Variants in TRDMT1 observed in about 807,000 individuals in gnomAD.
TRDMT1 encodes tRNA aspartic acid methyltransferase 1, also known as tRNA (cytosine(38)-C(5))-methyltransferase.
In TRDMT1, 49 loss-of-function variants were observed where a neutral mutation model predicts 51.2. The observed-to-expected ratio is 0.96, with a 90% CI of 0.76 to 1.21. TRDMT1 has a LOEUF of 1.21. TRDMT1 is among the 50% of genes most tolerant of loss of function. The probability of loss-of-function intolerance (pLI) is 0.00; values close to 1 mark genes in which losing one functional copy is unlikely to be tolerated. For missense variants in TRDMT1, 534 were observed against 462.3 expected, an observed-to-expected ratio of 1.16 and a Z score of -1.42; for synonymous variants, 187 against 164.6, an observed-to-expected ratio of 1.14 and a Z score of -1.04.
At chr10:17,194,948 T>A (rs74499941) in intron 1 of TRDMT1, among the ~76,000 whole-genome samples, 229 of 43,402 alleles carry the variant, frequency 5.3e-3, no homozygotes, top group Middle Eastern at 0.023. Context: ...AAAAAAAAAG[T>A]CAAAAAAAAA....
rs971299725 is a variant in TRDMT1 at position 17,145,196 on chromosome 10, G to C, written c.*3844C>G. ...CAGGAGGGGGAGATTGCAGTGAGCCGAGATCACGCCACTGCACTCCAGCCT... is the reference window on the plus strand; with the variant it reads ...CAGGAGGGGGAGATTGCAGTGAGCCCAGATCACGCCACTGCACTCCAGCCT... On this transcript the variant is annotated 3_prime_UTR_variant, in exon 11 of 11. Coordinates refer to ENST00000377799, the MANE Select transcript of TRDMT1 (RefSeq NM_004412.7). The C allele has an allele frequency of 1.3e-6, 1 of 797,726 alleles. No homozygotes were observed. Among genetic ancestry groups the C allele is most frequent in the Admixed American group, 6.2e-5 (1 of 16,002 alleles). The allele number at this position is 797,726 out of a possible 1,614,324, so 49.4% of individuals were successfully genotyped here.
At chr10:17,176,727 T>G (rs1842668327) in intron 1 of TRDMT1, among the ~76,000 whole-genome samples, 1 of 152,190 alleles carries the variant, frequency 6.6e-6, no homozygotes, top group African/African-American at 2.4e-5. Flanking sequence ...AAGGTTAAAC[T>G]TACAGATAAG....
rs758336473 is a variant in TRDMT1, at chr10:17,140,037, C to CTTTTTTTTTTTTTTTTTTT, written c.*8984_*9002dup. Among the ~76,000 whole-genome samples, 2 of 21,914 alleles carry CTTTTTTTTTTTTTTTTTTT rather than the reference C, an allele frequency of 9.1e-5. No individual in the cohort carries two copies. Among genetic ancestry groups the CTTTTTTTTTTTTTTTTTTT allele is most frequent in the African/African-American group, 3.7e-4 (2 of 5,348 alleles). The allele number at this position is 21,914 out of a possible 152,430, so 14.4% of individuals were successfully genotyped here. A position where few individuals can be genotyped will look rare whatever the true frequency, so the allele number is the denominator to read the frequency against. ...TATTCTTCCAGTAACATCTAGTGTG[C>CTTTTTTTTTTTTTTTTTTT]TTTTTTTTTTTTTTTTTTTTTTTTT... On this transcript the variant is annotated 3_prime_UTR_variant, in exon 11 of 11. Transcript: ENST00000377799.
rs1476282751 is a variant in TRDMT1 at position 17,157,754 on chromosome 10, C to T, written c.574G>A (p.Val192Ile). 1 of 1,600,146 alleles carries T rather than the reference C, an allele frequency of 6.2e-7. No individual in the cohort carries two copies. The stretch of plus-strand genomic sequence containing the variant: ...TCCATTGCATATTTTTGTGGATGTA[C>T]AGATTCAATTTTGGGGAACTCCATC... ...VLMEFPKIESVHPQKYAMDVE... is the reference protein window; with the variant it reads ...VLMEFPKIESIHPQKYAMDVE... The change falls in exon 8 of 11, where the codon GTA (valine) becomes ATA (isoleucine). Residue 192 changes from valine to isoleucine, a missense_variant. Transcript: ENST00000377799.
In TRDMT1 at chr10:17,138,866, G is replaced by C. The variant is rs1433144126; in HGVS notation, c.*10174C>G. ...ATAGGGGAATAGGGCTTTGGAGGAG[G>C]AGCACAGGGGTGTTCGTGGCACATG... On this transcript the variant is annotated 3_prime_UTR_variant, in exon 11 of 11. Coordinates refer to ENST00000377799, the MANE Select transcript of TRDMT1 (RefSeq NM_004412.7). Among the ~76,000 whole-genome samples the C allele has an allele frequency of 6.6e-6, 1 of 152,120 alleles. No individual in the cohort carries two copies. The highest frequency in any genetic ancestry group is 2.4e-5 in the African/African-American group (1 of 41,418).
chr10:17,184,044 C>G (rs886809708), intron 1 of TRDMT1, among the ~76,000 whole-genome samples: 7 of 152,216 alleles, frequency 4.6e-5, no homozygotes, highest in African/African-American at 1.7e-4. Flanking sequence ...TAAAGATCAT[C>G]AAGTAGCTAG....
chr10:17,138,912 C>A lies in TRDMT1; in HGVS notation c.*10128G>T. ...ACATGTATACACACGTGTGCACACA[C>A]AGCTTCCTAATTGTAACTCAAGCAA... On this transcript the variant is annotated 3_prime_UTR_variant, in exon 11 of 11. Coordinates refer to ENST00000377799, the MANE Select transcript of TRDMT1 (RefSeq NM_004412.7). Among the ~76,000 whole-genome samples, 1 of 152,262 alleles carries A rather than the reference C, an allele frequency of 6.6e-6. No individual in the cohort carries two copies. The highest frequency in any genetic ancestry group is 1.9e-4 in the East Asian group (1 of 5,180).
chr10:17,195,110 T>G (rs757518352), intron 1 of TRDMT1, among the ~76,000 whole-genome samples: 6 of 152,152 alleles, frequency 3.9e-5, no homozygotes, highest in Non-Finnish European at 8.8e-5. Flanking sequence ...GCAAGCTCAT[T>G]ACTGAGTATA....
At chr10:17,153,268 C>T in intron 10 of TRDMT1, 1 of 527,620 alleles carries the variant, frequency 1.9e-6, no homozygotes. Flanking sequence ...ACCCTTCTAG[C>T]CATGCCAACC....
At chr10:17,192,811 C>T (rs1407384238) in intron 1 of TRDMT1, among the ~76,000 whole-genome samples, 1 of 152,096 alleles carries the variant, frequency 6.6e-6, no homozygotes, top group African/African-American at 2.4e-5. Flanking sequence ...TCCATATGAT[C>T]CTCTCAAAAG....
chr10:17,153,962 A>C (rs1312301985), intron 9 of TRDMT1, among the ~76,000 whole-genome samples: 2 of 152,244 alleles, frequency 1.3e-5, no homozygotes, highest in Non-Finnish European at 2.9e-5. Flanking sequence ...AAGAAGCTTG[A>C]CAAAACAACA....
At chr10:17,187,565 C>A in intron 1 of TRDMT1, among the ~76,000 whole-genome samples, 1 of 152,042 alleles carries the variant, frequency 6.6e-6, no homozygotes, top group East Asian at 1.9e-4. Context: ...CAAAATAGAA[C>A]AAAATGCAAC....
intron 1 of TRDMT1, among the ~76,000 whole-genome samples, chr10:17,195,451 T>C (rs1845277225): frequency 1.3e-5 from 2 of 152,146 alleles, no homozygotes; most frequent in African/African-American, 2.4e-5. Context: ...CGGGGACTAC[T>C]AGAGAGAGAA....
intron 8 of TRDMT1, among the ~76,000 whole-genome samples, chr10:17,155,146 G>A (rs1005284291): frequency 6.6e-6 from 1 of 152,000 alleles, no homozygotes; most frequent in African/African-American, 2.4e-5. Context: ...CCTGGGAGGC[G>A]GAGGTTGCAG....
intron 2 of TRDMT1, 94 bp downstream of exon 2, chr10:17,174,457 C>T: frequency 1.3e-6 from 1 of 770,904 alleles, no homozygotes; most frequent in Non-Finnish European, 2.1e-6. Context: ...TATGCTTTAT[C>T]TTCCAATTAA....
At chr10:17,177,730 A>G (rs942172291) in intron 1 of TRDMT1, among the ~76,000 whole-genome samples, 6 of 151,402 alleles carry the variant, frequency 4.0e-5, no homozygotes, top group Admixed American at 1.3e-4. Context: ...ACACACACAC[A>G]CACACACACA....
At position 17,174,578 on chromosome 10, in the gene TRDMT1, G is replaced by A; in HGVS notation, c.147C>T (p.His49=). ...ANEVYKYNFP[H]TQLLAKTIEG... ...CAATCGTCTTGGCAAGTAACTGTGT[G>A]TGAGGAAAATTATACTTGTATACTT... Residue 49 remains histidine (H), a synonymous_variant, in exon 2 of 11, where the codon CAC becomes CAT. Transcript: ENST00000377799. The A allele has an allele frequency of 6.2e-7, 1 of 1,613,414 alleles. No homozygotes were observed. Among genetic ancestry groups the A allele is most frequent in the Non-Finnish European group, 8.5e-7 (1 of 1,179,446 alleles).
Position 17,162,505 on chromosome 10 carries a change from G to A in TRDMT1, c.252-268C>T, listed in dbSNP as rs546946343. Among the ~76,000 whole-genome samples the A allele has an allele frequency of 2.6e-5, 4 of 152,164 alleles. 1 individual carries two copies. The South Asian group carries it at 6.2e-4, about 24-fold the overall frequency. ...GTGGATCACGTGAGGCCAGGAGTTCGGGACCAGCCTGGCCGACATGGCGAA... is the reference window on the plus strand; with the variant it reads ...GTGGATCACGTGAGGCCAGGAGTTCAGGACCAGCCTGGCCGACATGGCGAA... On this transcript the variant is annotated intron_variant, in intron 3 of 10. Coordinates refer to ENST00000377799, the MANE Select transcript of TRDMT1 (RefSeq NM_004412.7).
chr10:17,162,977 TTGG>T (rs1178974320), intron 3 of TRDMT1, among the ~76,000 whole-genome samples: 39 of 152,256 alleles, frequency 2.6e-4, no homozygotes, highest in East Asian at 5.8e-4. Flanking sequence ...TGCTTTCCCC[TTGG>T]TGATGTAACC....
Sources: gnomAD v4.1 joint callset for allele counts (sites outside exome capture counted in the v4.1 genomes callset) on GRCh38, gnomAD v4.1.1 for gene constraint, MANE v1.5 for transcripts, NCBI Gene and HGNC (gene_info 2026-07-23, HGNC 2026-07-21) for gene names.